Variants in EHBP1 observed in about 807,000 individuals in gnomAD.
The protein encoded by EHBP1 is EH domain binding protein 1, also known as EH domain-binding protein 1.
A neutral mutation model predicts 144.0 loss-of-function variants in EHBP1; 55 were observed. The ratio of observed to expected loss-of-function variants is 0.38; its 90% CI spans 0.31 to 0.48. The LOEUF is 0.48. Among genes scored for constraint, EHBP1 ranks in the 20% least tolerant of loss-of-function variants. The pLI is 0.98. For synonymous variants in EHBP1, 469 were observed against 472.7 expected, an observed-to-expected ratio of 0.99 and a Z score of 0.10; for missense variants, 1,200 against 1,364.2, an observed-to-expected ratio of 0.88 and a Z score of 1.90.
chr2:62,825,334 A>AATT (rs2046269242), intron 5 of EHBP1, among the ~76,000 whole-genome samples: 1 of 152,110 alleles, frequency 6.6e-6, no homozygotes, highest in Non-Finnish European at 1.5e-5. Flanking sequence ...GAAACATAAT[A>AATT]ACTTTAGTAA....
chr2:62,814,426 C>G (rs1370579147), intron 5 of EHBP1, among the ~76,000 whole-genome samples: 1 of 152,252 alleles, frequency 6.6e-6, no homozygotes, highest in Non-Finnish European at 1.5e-5. Context: ...ATTACTCAGT[C>G]TCTGGTATTC....
intron 5 of EHBP1, among the ~76,000 whole-genome samples, chr2:62,819,836 G>A (rs1454960225): frequency 6.6e-6 from 1 of 151,626 alleles, no homozygotes; most frequent in African/African-American, 2.4e-5. Flanking sequence ...ATAAATCGTA[G>A]AAATTCATGT....
At chr2:62,709,362 A>T (rs2034908057) in intron 2 of EHBP1, among the ~76,000 whole-genome samples, 1 of 152,068 alleles carries the variant, frequency 6.6e-6, no homozygotes, top group Non-Finnish European at 1.5e-5. Flanking sequence ...GAAGGTCGTG[A>T]TTATAGGTGT....
At chr2:62,952,541 CATA>C (rs959247048) in intron 13 of EHBP1, among the ~76,000 whole-genome samples, 1 of 152,108 alleles carries the variant, frequency 6.6e-6, no homozygotes, top group African/African-American at 2.4e-5. Context: ...TTAACAAAGT[CATA>C]ATGTTGTCCA....
chr2:62,983,690 G>GTAT lies in EHBP1; in HGVS notation c.2608+4355_2608+4356insTAT, dbSNP rs1239536685. ...CGAGTAGCTGGAATTACAGGCACCC[G>GTAT]GCCACCATGCCCAGCTAATTTTTGT... On this transcript the variant is annotated intron_variant, in intron 15 of 22. Coordinates refer to ENST00000431489, the MANE Select transcript of EHBP1 (RefSeq NM_001142616.3). Among the ~76,000 whole-genome samples, 4 of 152,030 alleles carry GTAT rather than the reference G, an allele frequency of 2.6e-5. No individual in the cohort carries two copies. In the South Asian group the frequency reaches 8.3e-4, roughly 32 times the overall value.
chr2:62,732,248 C>T (rs1438039587), intron 2 of EHBP1, among the ~76,000 whole-genome samples: 1 of 152,096 alleles, frequency 6.6e-6, no homozygotes, highest in East Asian at 1.9e-4. Flanking sequence ...CTCTGAGTTT[C>T]CTAGATCTGT....
At chr2:62,847,683 A>T (rs908167883) in intron 7 of EHBP1, among the ~76,000 whole-genome samples, 6 of 152,190 alleles carry the variant, frequency 3.9e-5, no homozygotes, top group African/African-American at 7.2e-5. Context: ...AAAAAAGAAG[A>T]CCATTAAGAA....
At chr2:62,943,698 C>T (rs2056906659) in intron 11 of EHBP1, 104 bp from the exon 12 acceptor site, 2 of 616,752 alleles carry the variant, frequency 3.2e-6, no homozygotes, top group Non-Finnish European at 5.3e-6. Context: ...TTGCTGGTTA[C>T]TCTTTAGTAT....
At chr2:62,703,091 G>A (rs1189103542), upstream of EHBP1, among the ~76,000 whole-genome samples, 1 of 152,188 alleles carries the variant, frequency 6.6e-6, no homozygotes, top group Non-Finnish European at 1.5e-5. Context: ...CACTTTGGAA[G>A]GCTGAGGCAG....
chr2:62,727,413 C>G (rs1165099900), intron 2 of EHBP1, among the ~76,000 whole-genome samples: 1 of 151,830 alleles, frequency 6.6e-6, no homozygotes, highest in African/African-American at 2.4e-5. Flanking sequence ...TAGTCACTAT[C>G]TAATTTTGGA....
chr2:62,947,581 T>C (rs1283717305), intron 12 of EHBP1, among the ~76,000 whole-genome samples: 2 of 152,304 alleles, frequency 1.3e-5, no homozygotes, highest in Middle Eastern at 3.4e-3. Context: ...TAATAATTAA[T>C]TGTAAATTGA....
chr2:63,008,443 T>G (rs2060132326), intron 19 of EHBP1, among the ~76,000 whole-genome samples: 1 of 151,610 alleles, frequency 6.6e-6, no homozygotes, highest in Non-Finnish European at 1.5e-5. Context: ...TGTTCTTGTC[T>G]GCTTTATGCC....
At chr2:63,024,251 C>T (rs974986136) in intron 19 of EHBP1, among the ~76,000 whole-genome samples, 2 of 151,906 alleles carry the variant, frequency 1.3e-5, no homozygotes, top group African/African-American at 2.4e-5. Context: ...GGCTGAGGCA[C>T]GAGAATCACT....
intron 19 of EHBP1, among the ~76,000 whole-genome samples, chr2:63,000,908 T>G (rs962210573): frequency 6.6e-6 from 1 of 152,084 alleles, no homozygotes; most frequent in African/African-American, 2.4e-5. Context: ...TGATTTCTTA[T>G]TTGGGAAGAG....
chr2:62,830,858 T>A (rs1251419934), intron 6 of EHBP1, among the ~76,000 whole-genome samples, 161 bp from the exon 7 acceptor site: 1 of 152,246 alleles, frequency 6.6e-6, no homozygotes, highest in Non-Finnish European at 1.5e-5. Context: ...TAAAAATTAA[T>A]GAATATGAGT....
At position 62,765,684 on chromosome 2, in the gene EHBP1, A is replaced by G. The variant is rs186333558; in HGVS notation, c.258+1323A>G. 2.6e-4 allele frequency among the ~76,000 whole-genome samples: 39 copies of G among 152,300 alleles called. No homozygotes were observed. The East Asian group carries it at 7.1e-3, about 28-fold the overall frequency. The stretch of plus-strand genomic sequence containing the variant: ...TGCTATGATGAGTAAAACACTTAGC[A>G]CAAGAACTGGGACATGGTGTTGCTC... On this transcript the variant is annotated intron_variant, in intron 4 of 22. Transcript: ENST00000431489.
Position 62,864,658 on chromosome 2 carries a change from G to T in EHBP1, c.758-73G>T. On this transcript the variant is annotated intron_variant, in intron 8 of 22. Transcript: ENST00000431489. ...TATTAATTCAATAATGCATATATTT[G>T]AGAACACTAAACAATATTAGAAAAT... The T allele has an allele frequency of 3.5e-6, 5 of 1,419,372 alleles. No homozygotes were observed. In the South Asian group the frequency reaches 6.7e-5, roughly 19 times the overall value. 87.9% of individuals were successfully genotyped at this position (1,419,372 alleles called of 1,614,324 possible). A position where few individuals can be genotyped will look rare whatever the true frequency, so the allele number is the denominator to read the frequency against.
intron 20 of EHBP1, among the ~76,000 whole-genome samples, chr2:63,037,851 A>C (rs987737530): frequency 1.3e-5 from 2 of 152,184 alleles, no homozygotes; most frequent in African/African-American, 2.4e-5. Flanking sequence ...TATTATACAG[A>C]AAGCCAAGGA....
chr2:62,984,555 G>A (rs181328437), intron 15 of EHBP1, among the ~76,000 whole-genome samples: 1 of 152,234 alleles, frequency 6.6e-6, no homozygotes, highest in East Asian at 1.9e-4. Flanking sequence ...ACACACACAT[G>A]CACATGCACT....
Sources: gnomAD v4.1 joint callset for allele counts (sites outside exome capture counted in the v4.1 genomes callset) on GRCh38, gnomAD v4.1.1 for gene constraint, MANE v1.5 for transcripts, NCBI Gene and HGNC (gene_info 2026-07-23, HGNC 2026-07-21) for gene names.